The following NRCAM variants were observed in gnomAD, a reference collection of about 807,000 sequenced individuals.
NRCAM encodes neuronal cell adhesion molecule, also known as NgCAM-related cell adhesion molecule.
In NRCAM, 83 loss-of-function variants were observed where a neutral mutation model predicts 156.5. The ratio of observed to expected loss-of-function variants is 0.53; its 90% CI spans 0.44 to 0.64. NRCAM has a LOEUF of 0.64. Among genes scored for constraint, NRCAM ranks in the 30% least tolerant of loss-of-function variants. The probability of loss-of-function intolerance (pLI) is 0.00; values close to 1 mark genes in which losing one functional copy is unlikely to be tolerated. For synonymous variants in NRCAM, 538 were observed against 563.9 expected, an observed-to-expected ratio of 0.95 and a Z score of 0.65; for missense variants, 1,417 against 1,597.3, an observed-to-expected ratio of 0.89 and a Z score of 1.92.
intron 2 of NRCAM, among the ~76,000 whole-genome samples, chr7:108,337,716 C>T (rs938391143): frequency 6.6e-6 from 1 of 151,770 alleles, no homozygotes. Flanking sequence ...TCAGAGAACA[C>T]GAGGCTTGCC....
At chr7:108,437,845 T>C (rs1834042421) in intron 1 of NRCAM, among the ~76,000 whole-genome samples, 1 of 152,070 alleles carries the variant, frequency 6.6e-6, no homozygotes, top group Non-Finnish European at 1.5e-5. Flanking sequence ...AAAGGAGATG[T>C]ATTGAAGTAA....
At chr7:108,422,471 A>C (rs990680657) in intron 1 of NRCAM, among the ~76,000 whole-genome samples, 1 of 152,200 alleles carries the variant, frequency 6.6e-6, no homozygotes, top group Non-Finnish European at 1.5e-5. Context: ...CCTTTGGCCC[A>C]AGCTCTTTTA....
chr7:108,282,140 A>T (rs1309137373), intron 3 of NRCAM, among the ~76,000 whole-genome samples: 1 of 152,242 alleles, frequency 6.6e-6, no homozygotes, highest in East Asian at 1.9e-4. Context: ...GTAGTATAAC[A>T]AAGTACAGTA....
intron 12 of NRCAM, among the ~76,000 whole-genome samples, chr7:108,208,258 A>G (rs2082239571): frequency 6.6e-6 from 1 of 152,132 alleles, no homozygotes. Context: ...GTGAGCCAAG[A>G]TAGCCCATTA....
chr7:108,220,358 A>G (rs573798437), intron 11 of NRCAM, among the ~76,000 whole-genome samples: 1 of 152,318 alleles, frequency 6.6e-6, no homozygotes, highest in African/African-American at 2.4e-5. Context: ...TCTAAAATTC[A>G]TATGGAACCA....
intron 23 of NRCAM, 69 bp downstream of exon 23, chr7:108,182,626 G>C: frequency 7.0e-7 from 1 of 1,422,174 alleles, no homozygotes; most frequent in Non-Finnish European, 9.8e-7. Flanking sequence ...TGAGCAAGGA[G>C]AAATGGCCTT....
intron 11 of NRCAM, among the ~76,000 whole-genome samples, chr7:108,217,331 G>A (rs575119339): frequency 6.6e-6 from 1 of 152,304 alleles, no homozygotes; most frequent in Admixed American, 6.5e-5. Context: ...GTCAGCCGGA[G>A]CTCTCCTGTA....
chr7:108,202,050 T>C (rs954708680), intron 13 of NRCAM, among the ~76,000 whole-genome samples: 2 of 151,924 alleles, frequency 1.3e-5, no homozygotes, highest in African/African-American at 4.8e-5. Context: ...GTGGGTAGAG[T>C]AACTCTCTAG....
upstream of NRCAM, chr7:108,456,524 A>T (rs1028428184): frequency 6.7e-6 from 1 of 149,382 alleles, no homozygotes. Flanking sequence ...GGCTCTCCTT[A>T]GCGTCCTCCC....
intron 12 of NRCAM, among the ~76,000 whole-genome samples, chr7:108,208,998 G>C (rs2082621073): frequency 6.6e-6 from 1 of 152,156 alleles, no homozygotes; most frequent in South Asian, 2.1e-4. Flanking sequence ...TCTAAAGAAA[G>C]GAGTAATAAA....
chr7:108,402,520 A>G (rs1365014979), intron 1 of NRCAM, among the ~76,000 whole-genome samples: 1 of 152,318 alleles, frequency 6.6e-6, no homozygotes, highest in East Asian at 1.9e-4. Flanking sequence ...TTAAAAATAA[A>G]AACACAATTT....
rs112587736 is a variant in NRCAM at position 108,299,871 on chromosome 7, C to A, written c.-107+12794G>T. ...AATTAGACTGCCTTGGTTTGAAGCC[C>A]TGCTCTACGGTTTACTAGCTCTGTG... is the stretch of plus-strand genomic sequence containing the variant. On this transcript the variant is annotated intron_variant, in intron 3 of 32. Coordinates refer to ENST00000379028, the MANE Select transcript of NRCAM (RefSeq NM_001037132.4). Among the ~76,000 whole-genome samples, 99 of 152,306 alleles carry A rather than the reference C, an allele frequency of 6.5e-4. 1 individual carries two copies. The highest frequency in any genetic ancestry group is 2.4e-3 in the African/African-American group (98 of 41,576).
chr7:108,298,514 G>A (rs2098500960), intron 3 of NRCAM, among the ~76,000 whole-genome samples: 1 of 151,708 alleles, frequency 6.6e-6, no homozygotes, highest in South Asian at 2.1e-4. Context: ...TTAGCCGGGT[G>A]TGGTGCTGGA....
chr7:108,264,278 C>T (rs2097001226), intron 3 of NRCAM, among the ~76,000 whole-genome samples: 1 of 152,200 alleles, frequency 6.6e-6, no homozygotes, highest in African/African-American at 2.4e-5. Context: ...GCCTGGTCTG[C>T]ATCTTCTTTT....
intron 12 of NRCAM, among the ~76,000 whole-genome samples, chr7:108,208,696 GT>G (rs2082429413): frequency 6.6e-6 from 1 of 152,112 alleles, no homozygotes; most frequent in African/African-American, 2.4e-5. Context: ...GTACTGGTCA[GT>G]TATTTCGTAG....
At chr7:108,165,988 C>T (rs561188689) in intron 30 of NRCAM, among the ~76,000 whole-genome samples, 77 of 152,312 alleles carry the variant, frequency 5.1e-4, no homozygotes, top group African/African-American at 1.7e-3. Context: ...CGAGCAAATA[C>T]GAATGCTCTC....
At chr7:108,243,172 T>C (rs1331919608) in intron 3 of NRCAM, 1 of 152,142 alleles carries the variant, frequency 6.6e-6, no homozygotes, top group Admixed American at 6.5e-5. Context: ...TCGTCTCTAG[T>C]GTAGATTCTG....
chr7:108,353,773 C>A (rs1439337968), intron 2 of NRCAM, among the ~76,000 whole-genome samples: 2 of 152,244 alleles, frequency 1.3e-5, no homozygotes, highest in African/African-American at 4.8e-5. Context: ...TAAATGAATA[C>A]ATGAATGAGT....
At chr7:108,249,853 G>A (rs1297507683) in intron 3 of NRCAM, among the ~76,000 whole-genome samples, 2 of 152,128 alleles carry the variant, frequency 1.3e-5, no homozygotes, top group African/African-American at 4.8e-5. Flanking sequence ...GGACTCCATA[G>A]AAAGAATATA....
Sources: gnomAD v4.1 joint callset for allele counts (sites outside exome capture counted in the v4.1 genomes callset) on GRCh38, gnomAD v4.1.1 for gene constraint, MANE v1.5 for transcripts, NCBI Gene and HGNC (gene_info 2026-07-23, HGNC 2026-07-21) for gene names.